The following FANCC variants were observed in gnomAD, a reference collection of about 807,000 sequenced individuals.
FANCC encodes Fanconi anemia group C protein.
A neutral mutation model predicts 71.3 loss-of-function variants in FANCC; 55 were observed. The observed-to-expected ratio is 0.77, with a 90% confidence interval of 0.62 to 0.97. The LOEUF is 0.97. Among genes scored for constraint, FANCC ranks in the 50% least tolerant of loss-of-function variants. FANCC has a pLI of 0.00. For synonymous variants in FANCC, 275 were observed against 244.9 expected (o/e 1.12, Z -1.15); for missense variants, 678 against 670.9 (o/e 1.01, Z -0.12).
At chr9:95,262,768 G>A (rs1832132799) in intron 1 of FANCC, among the ~76,000 whole-genome samples, 1 of 152,176 alleles carries the variant, frequency 6.6e-6, no homozygotes, top group Non-Finnish European at 1.5e-5. Context: ...GCACACACTG[G>A]AATATCATTC....
In FANCC at chr9:95,249,319, C is replaced by T. The variant is rs202029417; in HGVS notation, c.-28G>A. 1.2e-6 allele frequency: 2 copies of T among 1,611,376 alleles called. No homozygotes were observed. The highest frequency in any genetic ancestry group is 1.7e-6 in the Non-Finnish European group (2 of 1,178,098). On this transcript the variant is annotated 5_prime_UTR_variant, in exon 2 of 15. Coordinates refer to ENST00000289081, the MANE Select transcript of FANCC (RefSeq NM_000136.3). ...TGGAAAAAGCGAAAAGGTGATGTCC[C>T]TTCACAGCAGCCTGTCCAGCACTGA...
At chr9:95,148,105 CCACA>C (rs150813593) in intron 7 of FANCC, among the ~76,000 whole-genome samples, 1 of 152,004 alleles carries the variant, frequency 6.6e-6, no homozygotes, top group Non-Finnish European at 1.5e-5. Flanking sequence ...CTCTTCACCA[CCACA>C]CACACACAGT....
intron 8 of FANCC, among the ~76,000 whole-genome samples, chr9:95,127,764 A>T (rs1826230231): frequency 6.6e-6 from 1 of 152,238 alleles, no homozygotes; most frequent in Non-Finnish European, 1.5e-5. Flanking sequence ...GATCACACTG[A>T]GGCAGGACCG....
intron 6 of FANCC, among the ~76,000 whole-genome samples, chr9:95,169,575 A>C (rs1825533578): frequency 6.6e-6 from 1 of 152,198 alleles, no homozygotes; most frequent in Admixed American, 6.5e-5. Context: ...AAGAGAAGCC[A>C]CAAGCTGGGT....
chr9:95,168,123 G>C (rs1825425342), intron 6 of FANCC, among the ~76,000 whole-genome samples: 1 of 152,084 alleles, frequency 6.6e-6, no homozygotes, highest in African/African-American at 2.4e-5. Context: ...TCTAGTGTCC[G>C]TTTGTGGTAT....
At chr9:95,182,133 T>C (rs753823014) in intron 4 of FANCC, among the ~76,000 whole-genome samples, 24 of 152,016 alleles carry the variant, frequency 1.6e-4, no homozygotes, top group Non-Finnish European at 3.2e-4. Context: ...TATGCTTCTC[T>C]AAACAATTTC....
intron 4 of FANCC, among the ~76,000 whole-genome samples, chr9:95,201,916 T>C (rs1321722258): frequency 6.6e-6 from 1 of 152,216 alleles, no homozygotes; most frequent in Non-Finnish European, 1.5e-5. Context: ...AACCTCAGAC[T>C]GGTGATATTG....
chr9:95,258,066 A>T (rs1260546448), intron 1 of FANCC, among the ~76,000 whole-genome samples: 1 of 152,206 alleles, frequency 6.6e-6, no homozygotes, highest in Non-Finnish European at 1.5e-5. Flanking sequence ...CCAACCAAAA[A>T]AAGCCCAGGA....
At chr9:95,226,429 G>A (rs2135963942) in intron 4 of FANCC, among the ~76,000 whole-genome samples, 1 of 152,336 alleles carries the variant, frequency 6.6e-6, no homozygotes, top group African/African-American at 2.4e-5. Context: ...AGGCAGTGAG[G>A]AAGGCAGAGG....
Position 95,274,566 on chromosome 9 carries a change from G to T in FANCC, c.-78-25197C>A, listed in dbSNP as rs78056504. Among the ~76,000 whole-genome samples, 1,958 of 152,216 alleles carry T rather than the reference G, an allele frequency of 0.013. 125 individuals carry two copies. The East Asian group carries it at 0.19, about 14-fold the overall frequency. ...AGTAATGGGATTGCTGGGTCAAATG[G>T]TATTTCTGGTTCTAGATCCTTCAGG... On this transcript the variant is annotated intron_variant, in intron 1 of 14. Transcript: ENST00000289081.
intron 4 of FANCC, among the ~76,000 whole-genome samples, chr9:95,211,158 A>G (rs955227329): frequency 5.3e-5 from 8 of 152,224 alleles, no homozygotes; most frequent in African/African-American, 1.7e-4. Flanking sequence ...TCCTGAAAGC[A>G]GAAAAACCAA....
chr9:95,185,865 C>CA (rs1375086959), intron 4 of FANCC, among the ~76,000 whole-genome samples: 1 of 152,144 alleles, frequency 6.6e-6, no homozygotes, highest in Non-Finnish European at 1.5e-5. Flanking sequence ...TAGTCATTGA[C>CA]AATTTTGCCT....
chr9:95,208,753 G>A (rs1050489902), intron 4 of FANCC, among the ~76,000 whole-genome samples: 2 of 152,130 alleles, frequency 1.3e-5, no homozygotes, highest in Non-Finnish European at 1.5e-5. Context: ...TGCTGATAAG[G>A]ATGTATAACA....
At chr9:95,138,148 C>T (rs1284180578) in intron 7 of FANCC, among the ~76,000 whole-genome samples, 1 of 152,264 alleles carries the variant, frequency 6.6e-6, no homozygotes, top group African/African-American at 2.4e-5. Context: ...CCTCCCCGCA[C>T]AGAAGAGGCA....
Position 95,107,090 on chromosome 9 carries a change from C to T in FANCC, c.1509G>A (p.Thr503=), listed in dbSNP as rs144278080. 1.0e-4 allele frequency: 166 copies of T among 1,614,022 alleles called. 1 individual carries two copies. The highest frequency in any genetic ancestry group is 8.2e-5 in the Non-Finnish European group (97 of 1,180,016). Residue 503 remains threonine (T), a synonymous_variant, in exon 14 of 15, where the codon ACG becomes ACA. Coordinates refer to ENST00000289081, the MANE Select transcript of FANCC (RefSeq NM_000136.3). ...CCAGGGTGATGACATCCCAGGCGAT[C>T]GTGTGGCCTCCAGGAGCCCAGAGCA... ...NFLLWAPGGH[T]IAWDVITLMA...
chr9:95,232,267 CCCA>C (rs1384645276), intron 4 of FANCC, among the ~76,000 whole-genome samples: 1 of 152,168 alleles, frequency 6.6e-6, no homozygotes, highest in Admixed American at 6.5e-5. Flanking sequence ...ACAATCACCT[CCCA>C]CCAAGCCCCA....
chr9:95,114,305 G>A (rs1235110914), intron 12 of FANCC: 1 of 376,798 alleles, frequency 2.7e-6, no homozygotes, highest in Non-Finnish European at 5.1e-6. Context: ...TTCCCAGCAG[G>A]TGGGTGCTGC....
chr9:95,301,714 T>C (rs1834743148), intron 1 of FANCC, among the ~76,000 whole-genome samples: 1 of 152,096 alleles, frequency 6.6e-6, no homozygotes, highest in African/African-American at 2.4e-5. Flanking sequence ...GCCTGGGATT[T>C]GTTGTTGTTG....
rs1830583350 is a variant in FANCC at position 95,240,698 on chromosome 9, T to A, written c.296A>T (p.Asn99Ile). 1 of 1,613,448 alleles carries A rather than the reference T, an allele frequency of 6.2e-7. No individual in the cohort carries two copies. Among genetic ancestry groups the A allele is most frequent in the South Asian group, 1.1e-5 (1 of 90,988 alleles). ...TTGTCCAGAATTCTGTGGTTCTTTGTTAATTAGACAACATAAGCACCATAT... is the reference window on the plus strand; with the variant it reads ...TTGTCCAGAATTCTGTGGTTCTTTGATAATTAGACAACATAAGCACCATAT... ...ILIWCLCCLINKEPQNSGQSK... is the reference protein window; with the variant it reads ...ILIWCLCCLIIKEPQNSGQSK... Residue 99 changes from asparagine (N) to isoleucine (I), a missense_variant, in exon 4 of 15, where the codon AAC (asparagine) becomes ATC (isoleucine). Transcript: ENST00000289081.
Sources: allele counts gnomAD v4.1 joint callset (sites outside exome capture counted in the v4.1 genomes callset), GRCh38; gene constraint gnomAD v4.1.1; transcripts MANE v1.5; gene names NCBI Gene and HGNC (gene_info 2026-07-23, HGNC 2026-07-21).